The following PCID2 variants were observed in gnomAD, a reference collection of about 807,000 sequenced individuals.
PCID2 encodes PCI domain-containing protein 2.
A neutral mutation model predicts 61.3 loss-of-function variants in PCID2; 41 were observed. That is an observed-to-expected ratio of 0.67 (90% confidence interval 0.52 to 0.87). PCID2 has a LOEUF of 0.87. PCID2 is among the 40% of genes least tolerant of loss of function. The pLI, the probability that PCID2 is intolerant of heterozygous loss-of-function variation, is 0.00. For synonymous variants in PCID2, 187 were observed against 177.8 expected (o/e 1.05, Z -0.41); for missense variants, 392 against 493.4 (o/e 0.79, Z 1.95).
intron 7 of PCID2, among the ~76,000 whole-genome samples, chr13:113,188,968 TCAA>T (rs2038363989): frequency 6.6e-6 from 1 of 152,182 alleles, no homozygotes; most frequent in Non-Finnish European, 1.5e-5. Context: ...TTTGGCCACA[TCAA>T]GCCTCATGTT....
chr13:113,202,421 A>G (rs2039499070), intron 1 of PCID2, among the ~76,000 whole-genome samples: 1 of 152,240 alleles, frequency 6.6e-6, no homozygotes, highest in South Asian at 2.1e-4. Flanking sequence ...TAGAAACAGA[A>G]GGTATTTGTA....
chr13:113,186,809 C>T (rs1192681806), intron 7 of PCID2: 1 of 152,146 alleles, frequency 6.6e-6, no homozygotes, highest in Non-Finnish European at 1.5e-5. Context: ...TCTCGGTTTA[C>T]GAAGTACACT....
chr13:113,193,539 AT>A (rs1183931671), intron 6 of PCID2, among the ~76,000 whole-genome samples: 2 of 152,190 alleles, frequency 1.3e-5, no homozygotes, highest in African/African-American at 4.8e-5. Context: ...TTTTCTTAGT[AT>A]TTTGTTTTGG....
intron 5 of PCID2, 147 bp from the exon 6 acceptor site, chr13:113,195,272 C>A: frequency 1.5e-6 from 1 of 656,948 alleles, no homozygotes. Flanking sequence ...TGCTTCCTCA[C>A]CTTCTGTCCA....
At chr13:113,184,214 T>C (rs2037897231) in intron 9 of PCID2, 132 bp downstream of exon 9, 7 of 907,022 alleles carry the variant, frequency 7.7e-6, no homozygotes, top group Non-Finnish European at 1.2e-5. Context: ...TAGTGTCAAA[T>C]ATGTATATAT....
the PCID2 span, chr13:113,170,664 G>A: frequency 7.5e-6 from 5 of 666,862 alleles, no homozygotes; most frequent in African/African-American, 9.0e-5. Context: ...ATAAAACTGA[G>A]ATACTTATCA....
intron 9 of PCID2, 116 bp downstream of exon 9, chr13:113,184,230 G>T: frequency 1.0e-6 from 1 of 987,190 alleles, no homozygotes; most frequent in Non-Finnish European, 1.5e-6. Flanking sequence ...TATATAACTT[G>T]GTCCACATTT....
At chr13:113,203,472 T>C (rs2039580986) in intron 1 of PCID2, among the ~76,000 whole-genome samples, 2 of 152,208 alleles carry the variant, frequency 1.3e-5, no homozygotes, top group Non-Finnish European at 2.9e-5. Flanking sequence ...GATACTAAGA[T>C]CCTCAGCTGT....
At position 113,195,396 on chromosome 13, in the gene PCID2, C is replaced by T. The variant is rs370464236; in HGVS notation, c.309-271G>A. On this transcript the variant is annotated intron_variant, in intron 5 of 13. Transcript: ENST00000337344. ...TCAGCCCTGCTTCAGTTCTGGGCTC[C>T]CAGGATATCCTCCTCCCCTCAGCTT... Among the ~76,000 whole-genome samples, 13 of 152,320 alleles carry T rather than the reference C, an allele frequency of 8.5e-5. No homozygotes were observed. In the East Asian group the frequency reaches 2.5e-3, roughly 29 times the overall value.
At chr13:113,202,872 AAGAC>A (rs1243290726) in intron 1 of PCID2, among the ~76,000 whole-genome samples, 1 of 152,216 alleles carries the variant, frequency 6.6e-6, no homozygotes, top group Non-Finnish European at 1.5e-5. Context: ...ATAAAATAGA[AAGAC>A]AAACCTTAAA....
chr13:113,185,874 T>C (rs1398822126), intron 7 of PCID2: 1 of 250,632 alleles, frequency 4.0e-6, no homozygotes, highest in African/African-American at 2.2e-5. Flanking sequence ...TAAAAGTTAA[T>C]TGTTATAAAC....
chr13:113,207,131 G>A (rs1221532861), intron 1 of PCID2, among the ~76,000 whole-genome samples: 2 of 152,176 alleles, frequency 1.3e-5, no homozygotes, highest in African/African-American at 4.8e-5. Context: ...CTAATACATC[G>A]CAAGCTTTTG....
rs533003270 is a variant in PCID2 at position 113,200,061 on chromosome 13, A to G, written c.126+366T>C. Reference sequence around the variant, plus strand: ...ACCCCAGGCTGGGCCTTGGCTTGCCAGCCTTTCTGACTAACAACTTAAATG... The same window carrying G: ...ACCCCAGGCTGGGCCTTGGCTTGCCGGCCTTTCTGACTAACAACTTAAATG... On this transcript the variant is annotated intron_variant, in intron 2 of 13. Transcript: ENST00000337344. 1.3e-3 allele frequency among the ~76,000 whole-genome samples: 199 copies of G among 152,354 alleles called. 1 individual carries two copies. Among genetic ancestry groups the G allele is most frequent in the South Asian group, 3.3e-3 (16 of 4,824 alleles).
intron 8 of PCID2, among the ~76,000 whole-genome samples, chr13:113,184,990 G>A (rs995908970): frequency 2.0e-5 from 3 of 152,272 alleles, no homozygotes; most frequent in African/African-American, 7.2e-5. Context: ...AGGAAGGTGG[G>A]GTGCTCTACA....
chr13:113,169,818 T>C, the PCID2 span, among the ~76,000 whole-genome samples: 1 of 152,222 alleles, frequency 6.6e-6, no homozygotes, highest in Admixed American at 6.5e-5. Context: ...ATAATTAGTC[T>C]CCATGTACAC....
At chr13:113,195,837 C>T (rs556964) in intron 5 of PCID2, among the ~76,000 whole-genome samples, 140,183 of 152,250 alleles carry the variant, frequency 0.92, 65,618 homozygotes, top group East Asian at 1. Flanking sequence ...CCAAATGAAC[C>T]GTAGTTGGTC....
chr13:113,201,578 G>A (rs1315745813), intron 1 of PCID2, among the ~76,000 whole-genome samples: 4 of 152,080 alleles, frequency 2.6e-5, no homozygotes, highest in Non-Finnish European at 5.9e-5. Context: ...TTGGGAGGCC[G>A]AGGCGGGCAG....
the PCID2 span, chr13:113,165,108 C>G: frequency 4.3e-6 from 7 of 1,611,848 alleles, no homozygotes; most frequent in Admixed American, 1.7e-5. Context: ...ATCTACAGGA[C>G]CTCCCGTGGC....
chr13:113,166,923 A>C, the PCID2 span, among the ~76,000 whole-genome samples: 1 of 152,218 alleles, frequency 6.6e-6, no homozygotes, highest in Admixed American at 6.5e-5. Context: ...GCTAAGAGCC[A>C]TATAACCAGG....
Sources: gnomAD v4.1 joint callset for allele counts (sites outside exome capture counted in the v4.1 genomes callset) on GRCh38, gnomAD v4.1.1 for gene constraint, MANE v1.5 for transcripts, NCBI Gene and HGNC (gene_info 2026-07-23, HGNC 2026-07-21) for gene names.